The following BLTP1 variants were observed in gnomAD, a reference collection of about 807,000 sequenced individuals.
BLTP1 encodes the protein bridge-like lipid transfer protein family member 1, also known as fragile site-associated protein.
the BLTP1 span, chr4:122,331,337 G>A: frequency 9.3e-6 from 15 of 1,609,936 alleles, no homozygotes; most frequent in South Asian, 2.2e-5. Flanking sequence ...CATACGTCTC[G>A]TAAAAAAGCA....
chr4:122,322,781 A>G, the BLTP1 span, among the ~76,000 whole-genome samples: 2 of 152,064 alleles, frequency 1.3e-5, no homozygotes, highest in African/African-American at 2.4e-5. Context: ...CTGCATTGGT[A>G]TTGTATTTCC....
At chr4:122,235,259 G>A in the BLTP1 span, 1 of 719,060 alleles carries the variant, frequency 1.4e-6, no homozygotes, top group African/African-American at 1.9e-5. Context: ...TGACGTGGGT[G>A]GCTTTCCTCA....
the BLTP1 span, among the ~76,000 whole-genome samples, chr4:122,216,167 A>G: frequency 2.6e-5 from 4 of 151,138 alleles, no homozygotes; most frequent in African/African-American, 9.7e-5. Flanking sequence ...TTATCCACTC[A>G]TTGGTTGTTG....
the BLTP1 span, chr4:122,187,227 T>G: frequency 1.0e-6 from 1 of 979,654 alleles, no homozygotes; most frequent in Non-Finnish European, 1.2e-6. Context: ...ATCTAAAAGT[T>G]GATATGATAA....
the BLTP1 span, chr4:122,229,020 C>CAAT: frequency 1.0e-6 from 1 of 966,546 alleles, no homozygotes; most frequent in Non-Finnish European, 1.4e-6. Context: ...AAAAATACAT[C>CAAT]AATAACTAGA....
At chr4:122,233,689 A>G in the BLTP1 span, among the ~76,000 whole-genome samples, 1 of 152,164 alleles carries the variant, frequency 6.6e-6, no homozygotes, top group African/African-American at 2.4e-5. Context: ...TAGATGTTCC[A>G]CTTCTAAGTT....
the BLTP1 span, chr4:122,347,773 C>G: frequency 6.2e-7 from 1 of 1,611,836 alleles, no homozygotes; most frequent in Non-Finnish European, 8.5e-7. Flanking sequence ...TTCAGTTCCT[C>G]GAAGAGGTAA....
At chr4:122,280,255 A>G in the BLTP1 span, 39 of 925,996 alleles carry the variant, frequency 4.2e-5, 1 homozygote, top group East Asian at 3.5e-4. Flanking sequence ...TGTAAGAGGT[A>G]CTAATAAAAA....
chr4:122,245,826 G>A, the BLTP1 span, among the ~76,000 whole-genome samples: 1 of 152,056 alleles, frequency 6.6e-6, no homozygotes, highest in Non-Finnish European at 1.5e-5. Flanking sequence ...TAGCCAAAAA[G>A]GGGCCAATTA....
chr4:122,356,517 C>A, the BLTP1 span: 1 of 1,191,190 alleles, frequency 8.4e-7, no homozygotes, highest in East Asian at 2.4e-5. Flanking sequence ...TTACTCATTT[C>A]TTTACAGTTG....
chr4:122,357,029 G>A, the BLTP1 span: 3,384 of 982,960 alleles, frequency 3.4e-3, 9 homozygotes, highest in Admixed American at 4.8e-3. Context: ...TGAAAAATAG[G>A]AAAATGTGAG....
the BLTP1 span, among the ~76,000 whole-genome samples, chr4:122,270,654 A>G: frequency 6.7e-6 from 1 of 149,874 alleles, no homozygotes; most frequent in Non-Finnish European, 1.5e-5. Flanking sequence ...GGAGGGGGGG[A>G]TGGTTAAGTG....
At chr4:122,281,686 G>A in the BLTP1 span, 10 of 1,613,010 alleles carry the variant, frequency 6.2e-6, no homozygotes, top group East Asian at 2.2e-5. Context: ...TCAGTGCCAT[G>A]TTAGATGGTA....
At chr4:122,341,870 G>A in the BLTP1 span, 1 of 959,190 alleles carries the variant, frequency 1.0e-6, no homozygotes, top group Non-Finnish European at 1.2e-6. Flanking sequence ...GTAAGTATGG[G>A]TTAGCGAAGC....
At chr4:122,240,118 T>C in the BLTP1 span, 5 of 1,614,090 alleles carry the variant, frequency 3.1e-6, no homozygotes, top group Admixed American at 8.3e-5. Flanking sequence ...ATAGAACATC[T>C]ATATATTGTA....
chr4:122,350,659 G>A, the BLTP1 span, among the ~76,000 whole-genome samples: 1 of 152,222 alleles, frequency 6.6e-6, no homozygotes, highest in Non-Finnish European at 1.5e-5. Flanking sequence ...GATTAAATGT[G>A]AGGATAGCTA....
chr4:122,162,034 T>C, the BLTP1 span, among the ~76,000 whole-genome samples: 45 of 152,318 alleles, frequency 3.0e-4, no homozygotes, highest in African/African-American at 9.9e-4. Flanking sequence ...AGACAGGTTG[T>C]CATTCAAGCA....
the BLTP1 span, chr4:122,280,226 C>T: frequency 5.2e-4 from 506 of 977,538 alleles, 12 homozygotes; most frequent in Admixed American, 0.029. Flanking sequence ...CTTAAGAGAT[C>T]CTAGAGATTT....
chr4:122,206,013 G>A, the BLTP1 span: 7 of 984,052 alleles, frequency 7.1e-6, no homozygotes, highest in Non-Finnish European at 8.4e-6. Flanking sequence ...TGTCTTTAAA[G>A]AGCTTTTATT....
Sources: allele counts gnomAD v4.1 joint callset (sites outside exome capture counted in the v4.1 genomes callset), GRCh38; gene constraint gnomAD v4.1.1; transcripts MANE v1.5; gene names NCBI Gene and HGNC (gene_info 2026-07-23, HGNC 2026-07-21).